The following MTARC2 variants were observed in gnomAD, a reference collection of about 807,000 sequenced individuals.
The protein encoded by MTARC2 is mitochondrial amidoxime reducing component 2.
A neutral mutation model predicts 35.6 loss-of-function variants in MTARC2; 27 were observed. The ratio of observed to expected loss-of-function variants is 0.76; its 90% CI spans 0.56 to 1.04. The LOEUF (loss-of-function observed/expected upper bound fraction) is 1.04, where lower values mean the gene tolerates loss of function less well. Ranked by LOEUF, MTARC2 falls within the 50% of genes least tolerant of loss-of-function variation. MTARC2 has a pLI of 0.00. For synonymous variants in MTARC2, 158 were observed against 167.1 expected, an observed-to-expected ratio of 0.95 and a Z score of 0.42; for missense variants, 412 against 432.5, an observed-to-expected ratio of 0.95 and a Z score of 0.42.
At chr1:220,755,380 T>C (rs944127866) in intron 2 of MTARC2, among the ~76,000 whole-genome samples, 2 of 152,104 alleles carry the variant, frequency 1.3e-5, no homozygotes, top group African/African-American at 4.8e-5. Flanking sequence ...AAAGAAGATG[T>C]TATACCAACA....
chr1:220,749,478 T>A (rs1056594214), intron 1 of MTARC2, among the ~76,000 whole-genome samples: 1 of 149,214 alleles, frequency 6.7e-6, no homozygotes, highest in Non-Finnish European at 1.5e-5. Flanking sequence ...TAGCTCAGGC[T>A]GGAGTGCAGT....
intron 1 of MTARC2, among the ~76,000 whole-genome samples, chr1:220,750,282 C>T (rs1671094845): frequency 6.6e-6 from 1 of 152,200 alleles, no homozygotes; most frequent in South Asian, 2.1e-4. Context: ...TTCCAAAAAA[C>T]TGGGAGAACC....
chr1:220,782,048 A>G, intron 7 of MTARC2, 116 bp downstream of exon 7: 1 of 928,618 alleles, frequency 1.1e-6, no homozygotes, highest in Admixed American at 2.7e-5. Context: ...ACAGTTTTAT[A>G]TTCTGATCTT....
At chr1:220,761,957 G>T (rs1671449541) in intron 3 of MTARC2, 137 bp downstream of exon 3, 21 of 848,196 alleles carry the variant, frequency 2.5e-5, no homozygotes, top group Non-Finnish European at 3.7e-5. Context: ...GATAATGAGG[G>T]CACAGCCTAG....
intron 5 of MTARC2, 40 bp from the exon 6 acceptor site, chr1:220,780,128 G>T (rs773677281): frequency 6.2e-7 from 1 of 1,608,350 alleles, no homozygotes; most frequent in Non-Finnish European, 8.5e-7. Flanking sequence ...CCATTCATTG[G>T]TTCCTAAGCA....
At chr1:220,758,428 T>A (rs913005939) in intron 2 of MTARC2, among the ~76,000 whole-genome samples, 1 of 151,760 alleles carries the variant, frequency 6.6e-6, no homozygotes, top group Non-Finnish European at 1.5e-5. Flanking sequence ...ATTACCTTTT[T>A]TTTTTTTTGA....
chr1:220,779,406 T>C (rs1672002729), intron 4 of MTARC2, among the ~76,000 whole-genome samples: 1 of 152,226 alleles, frequency 6.6e-6, no homozygotes, highest in African/African-American at 2.4e-5. Flanking sequence ...CCTCCATTTC[T>C]TTGGGTAAAA....
rs185796601 is a variant in MTARC2 at position 220,753,097 on chromosome 1, G to A, written c.273-1850G>A. ...CAAAAAATTAGCCGGGCATGGTGGC[G>A]GGTGCCTGTAGTCCCAGCTACATGG... On this transcript the variant is annotated intron_variant, in intron 1 of 7. Coordinates refer to ENST00000366913, the MANE Select transcript of MTARC2 (RefSeq NM_017898.5). Among the ~76,000 whole-genome samples the A allele has an allele frequency of 1.2e-3, 186 of 151,610 alleles. 3 individuals are homozygous for A. The East Asian group carries it at 0.034, about 28-fold the overall frequency.
chr1:220,768,984 G>C lies in MTARC2; in HGVS notation c.750+5934G>C, dbSNP rs568399596. Among the ~76,000 whole-genome samples the C allele has an allele frequency of 3.9e-5, 6 of 152,268 alleles. No homozygotes were observed. The South Asian group carries it at 1.2e-3, about 32-fold the overall frequency. On this transcript the variant is annotated intron_variant, in intron 4 of 7. Coordinates refer to ENST00000366913, the MANE Select transcript of MTARC2 (RefSeq NM_017898.5). ...TCTTGGATGGATTTGCCTTGATTAG[G>C]AAAAGCTCCAGTGATTAAAACAGGA...
rs780609974 is a variant in MTARC2 at position 220,761,669 on chromosome 1, T to C, written c.458T>C (p.Leu153Pro). ...NKLHNCRIFGLDIKGRDCGNE... is the reference protein window; with the variant it reads ...NKLHNCRIFGPDIKGRDCGNE... ...TGTGACCTTTCCAGGATATTTGGCCTTGACATTAAAGGCAGAGACTGTGGC... is the reference window on the plus strand; with the variant it reads ...TGTGACCTTTCCAGGATATTTGGCCCTGACATTAAAGGCAGAGACTGTGGC... Residue 153 changes from leucine (L) to proline (P), a missense_variant, in exon 3 of 8, where the codon CTT becomes CCT. Transcript: ENST00000366913. The C allele has an allele frequency of 3.0e-5, 48 of 1,610,788 alleles. No individual in the cohort carries two copies. The East Asian group carries it at 1.0e-3, about 35-fold the overall frequency.
At chr1:220,773,710 A>G (rs1671807907) in intron 4 of MTARC2, among the ~76,000 whole-genome samples, 1 of 152,196 alleles carries the variant, frequency 6.6e-6, no homozygotes, top group South Asian at 2.1e-4. Flanking sequence ...TGGAAAAGAC[A>G]TCATGTATTT....
chr1:220,748,578 C>T lies in MTARC2; in HGVS notation c.47C>T (p.Ala16Val), dbSNP rs1443379108. 4.5e-5 allele frequency: 65 copies of T among 1,452,448 alleles called. No homozygotes were observed. Among genetic ancestry groups the T allele is most frequent in the Non-Finnish European group, 5.8e-5 (64 of 1,111,010 alleles). The allele number at this position is 1,452,448 out of a possible 1,614,324, so 90.0% of individuals were successfully genotyped here. ...SSALARLGLP[A>V]RPWPRWLGVA... is the part of the protein sequence containing the mutation. The stretch of plus-strand genomic sequence containing the variant: ...GCGCTGGCCCGCCTCGGCCTCCCAG[C>T]CCGGCCCTGGCCCAGGTGGCTCGGG... The change falls in exon 1 of 8, where the codon GCC becomes GTC. Residue 16 changes from alanine (A) to valine (V), a missense_variant. Transcript: ENST00000366913.
intron 2 of MTARC2, 63 bp downstream of exon 2, chr1:220,755,183 T>C: frequency 6.7e-7 from 1 of 1,482,024 alleles, no homozygotes; most frequent in East Asian, 2.4e-5. Context: ...GGCTCCTCCT[T>C]GCATTCTGTC....
chr1:220,770,930 C>T (rs559022267), intron 4 of MTARC2, among the ~76,000 whole-genome samples: 92 of 152,366 alleles, frequency 6.0e-4, no homozygotes, highest in African/African-American at 2.2e-3. Context: ...AAGAGCTCTG[C>T]TTCCCTTTTT....
intron 7 of MTARC2, among the ~76,000 whole-genome samples, chr1:220,783,011 G>C (rs1022456225): frequency 1.3e-5 from 2 of 152,138 alleles, no homozygotes; most frequent in African/African-American, 4.8e-5. Flanking sequence ...TTCCATAGTG[G>C]GTATAAAGAT....
chr1:220,768,008 C>T (rs1448565609), intron 4 of MTARC2, among the ~76,000 whole-genome samples: 1 of 152,196 alleles, frequency 6.6e-6, no homozygotes, highest in African/African-American at 2.4e-5. Context: ...CAGTCTCTAC[C>T]AGGCTTCAGG....
At chr1:220,774,695 G>A (rs1297370174) in intron 4 of MTARC2, among the ~76,000 whole-genome samples, 2 of 152,162 alleles carry the variant, frequency 1.3e-5, no homozygotes, top group East Asian at 1.9e-4. Context: ...TACAAGTGAT[G>A]TCTTTCATAG....
rs543852004 is a variant in MTARC2 at position 220,756,137 on chromosome 1, G to A, written c.446+1017G>A. On this transcript the variant is annotated intron_variant, in intron 2 of 7. Coordinates refer to ENST00000366913, the MANE Select transcript of MTARC2 (RefSeq NM_017898.5). ...GCCTTGGCTTCCTTTTGGCCTATGG[G>A]ACTTCTGTTGGGTTGTCAAGTTCCG... is the stretch of plus-strand genomic sequence containing the variant. The A allele has an allele frequency of 3.3e-5, 5 of 152,380 alleles. No homozygotes were observed. In the East Asian group the frequency reaches 7.7e-4, roughly 24 times the overall value. 9.4% of individuals were successfully genotyped at this position (152,380 alleles called of 1,614,324 possible).
chr1:220,769,049 C>T (rs1432741946), intron 4 of MTARC2, among the ~76,000 whole-genome samples: 2 of 152,216 alleles, frequency 1.3e-5, no homozygotes, highest in African/African-American at 2.4e-5. Flanking sequence ...AATACATTCA[C>T]ATTTCTGAAG....
Sources: allele counts gnomAD v4.1 joint callset (sites outside exome capture counted in the v4.1 genomes callset), GRCh38; gene constraint gnomAD v4.1.1; transcripts MANE v1.5; gene names NCBI Gene and HGNC (gene_info 2026-07-23, HGNC 2026-07-21).